Variants in GTPBP4 observed in about 807,000 individuals in gnomAD.
GTPBP4 encodes the protein GTP-binding protein 4.
Under a neutral mutation model 81.7 loss-of-function variants are expected in GTPBP4, and 15 were observed. That is an observed-to-expected ratio of 0.18 (90% CI 0.12 to 0.28). The LOEUF (loss-of-function observed/expected upper bound fraction) is 0.28, where lower values mean the gene tolerates loss of function less well. GTPBP4 is among the 10% of genes least tolerant of loss of function. The pLI, the probability that GTPBP4 is intolerant of heterozygous loss-of-function variation, is 1.00. For missense variants in GTPBP4, 847 were observed against 793.8 expected, an observed-to-expected ratio of 1.07 and a Z score of -0.81; for synonymous variants, 272 against 274.6, an observed-to-expected ratio of 0.99 and a Z score of 0.09.
At chr10:992,460 T>C in intron 1 of GTPBP4, 29 bp from the exon 2 acceptor site, 1 of 1,433,470 alleles carries the variant, frequency 7.0e-7, no homozygotes, top group Non-Finnish European at 9.7e-7. Context: ...CCTTTTGATG[T>C]AATTATGTTT....
At chr10:1,007,358 C>G in intron 10 of GTPBP4, 1 of 418,204 alleles carries the variant, frequency 2.4e-6, no homozygotes, top group South Asian at 4.5e-5. Context: ...TTAGTTTATC[C>G]TTCCAGAAAT....
rs370864343 is a variant in GTPBP4 at position 1,000,841 on chromosome 10, G to C, written c.819G>C (p.Gln273His). ...TGAGGGAGCAGCTAGAACTCTTCCA[G>C]AACATCAGACCTCTCTTCATCAACA... Reference protein sequence around the residue: ...HGLREQLELFQNIRPLFINKP... With the variant: ...HGLREQLELFHNIRPLFINKP... Residue 273 changes from glutamine (Q) to histidine (H), a missense_variant, in exon 7 of 17, where the codon CAG (glutamine) becomes CAC (histidine). Physicochemically the swap from Gln to His is conservative, Grantham distance 24. Coordinates refer to ENST00000360803, the MANE Select transcript of GTPBP4 (RefSeq NM_012341.3). 30 of 1,610,656 alleles carry C rather than the reference G, an allele frequency of 1.9e-5. No homozygotes were observed. Among genetic ancestry groups the C allele is most frequent in the Non-Finnish European group, 2.5e-5 (30 of 1,178,004 alleles).
chr10:1,016,071 G>C (rs1347009205), intron 16 of GTPBP4, among the ~76,000 whole-genome samples, 175 bp downstream of exon 16: 1 of 152,232 alleles, frequency 6.6e-6, no homozygotes, highest in Non-Finnish European at 1.5e-5. Context: ...GGGTGCAGGT[G>C]GATGCCCCTG....
At position 995,569 on chromosome 10, in the gene GTPBP4, G is replaced by T. The variant is rs184621424; in HGVS notation, c.220-360G>T. 2.6e-4 allele frequency among the ~76,000 whole-genome samples: 39 copies of T among 152,258 alleles called. No individual in the cohort carries two copies. In the East Asian group the frequency reaches 6.7e-3, roughly 26 times the overall value. On this transcript the variant is annotated intron_variant, in intron 2 of 16. Transcript: ENST00000360803. ...TTTGATTTTTTTTCCTAAAGATTGA[G>T]AAATAACAGCAAATTTTTAGGCTGA... is the stretch of plus-strand genomic sequence containing the variant.
At chr10:1,016,456 G>C (rs1831995043) in intron 16 of GTPBP4, among the ~76,000 whole-genome samples, 1 of 152,220 alleles carries the variant, frequency 6.6e-6, no homozygotes, top group Admixed American at 6.5e-5. Context: ...TCAGCGTTGT[G>C]GTAATGGAGA....
rs1359089622 is a variant in GTPBP4, at chr10:1,018,820, A to AG, written c.*1593_*1594insG. 6.6e-6 allele frequency: 1 copy of AG among 151,638 alleles called. No individual in the cohort carries two copies. Among genetic ancestry groups the AG allele is most frequent in the Non-Finnish European group, 1.5e-5 (1 of 67,976 alleles). 9.4% of individuals were successfully genotyped at this position (151,638 alleles called of 1,614,324 possible). A position where few individuals can be genotyped will look rare whatever the true frequency, so the allele number is the denominator to read the frequency against. On this transcript the variant is annotated 3_prime_UTR_variant, in exon 17 of 17. Transcript: ENST00000360803. ...GACTCCATCTCAAAAAAAAAAAAAA[A>AG]ATACCAGGTCTGGTTTTTGAAATTC...
At chr10:1,011,085 TGTGCCTCCTGC>T (rs1831858309) in intron 13 of GTPBP4, among the ~76,000 whole-genome samples, 1 of 95,118 alleles carries the variant, frequency 1.1e-5, no homozygotes, top group Non-Finnish European at 2.2e-5. Flanking sequence ...CCATCCTGAC[TGTGCCTCCTGC>T]ACCTCTTCCC....
At position 1,016,995 on chromosome 10, in the gene GTPBP4, T is replaced by G; in HGVS notation, c.1753-80T>G. On this transcript the variant is annotated intron_variant, in intron 16 of 16. Coordinates refer to ENST00000360803, the MANE Select transcript of GTPBP4 (RefSeq NM_012341.3). ...AGCAGACCTGAGCCATTAAACAGAT[T>G]GTTACCCAGTAGTTGAAATTCAGAA... is the stretch of plus-strand genomic sequence containing the variant. 6 of 1,159,180 alleles carry G rather than the reference T, an allele frequency of 5.2e-6. No homozygotes were observed. In the South Asian group the frequency reaches 7.2e-5, roughly 14 times the overall value. The allele number at this position is 1,159,180 out of a possible 1,614,324, so 71.8% of individuals were successfully genotyped here. A position where few individuals can be genotyped will look rare whatever the true frequency, so the allele number is the denominator to read the frequency against.
chr10:1,017,967 G>T lies in GTPBP4; in HGVS notation c.*740G>T, dbSNP rs1227381839. 6.6e-6 allele frequency: 1 copy of T among 152,208 alleles called. No individual in the cohort carries two copies. The highest frequency in any genetic ancestry group is 1.5e-5 in the Non-Finnish European group (1 of 68,060). 9.4% of individuals were successfully genotyped at this position (152,208 alleles called of 1,614,324 possible). On this transcript the variant is annotated 3_prime_UTR_variant, in exon 17 of 17. Transcript: ENST00000360803. ...GAGCGTTGGGGTGAAGAGCTGTGGG[G>T]TCGGAGGGACCTGCCCAGGGGTCCG...
chr10:1,010,301 C>G (rs1045791293), intron 12 of GTPBP4, 119 bp from the exon 13 acceptor site: 2 of 644,896 alleles, frequency 3.1e-6, no homozygotes, highest in African/African-American at 3.7e-5. Flanking sequence ...AATTGCACGT[C>G]GTGCTCTCTT....
At chr10:1,011,714 A>G (rs1246165414) in intron 13 of GTPBP4, among the ~76,000 whole-genome samples, 3 of 152,002 alleles carry the variant, frequency 2.0e-5, no homozygotes, top group African/African-American at 7.3e-5. Flanking sequence ...AACAATCTCA[A>G]TTTCGTTGGT....
chr10:993,459 C>G (rs922632734), intron 2 of GTPBP4, among the ~76,000 whole-genome samples: 1 of 152,160 alleles, frequency 6.6e-6, no homozygotes, highest in Non-Finnish European at 1.5e-5. Flanking sequence ...GTTGGCCAGG[C>G]TGGTCTTGAA....
intron 15 of GTPBP4, among the ~76,000 whole-genome samples, chr10:1,014,877 CAA>C (rs11412135): frequency 6.9e-6 from 1 of 144,532 alleles, no homozygotes. Context: ...GACTGTGTCT[CAA>C]AAAAAAAAAA....
Position 1,008,940 on chromosome 10 carries a change from T to C in GTPBP4, c.1114-18T>C, listed in dbSNP as rs776662043. 5 of 1,581,896 alleles carry C rather than the reference T, an allele frequency of 3.2e-6. No individual in the cohort carries two copies. The highest frequency in any genetic ancestry group is 1.7e-5 in the Admixed American group (1 of 59,976). On this transcript the variant is annotated intron_variant, in intron 10 of 16. Transcript: ENST00000360803. ...CAGCAGGCATTTCACATAAATATTT[T>C]ATATGGGATCTTCTCAGGAGAGGCC...
chr10:1,008,259 G>A (rs1200550641), intron 10 of GTPBP4: 4 of 407,766 alleles, frequency 9.8e-6, no homozygotes, highest in East Asian at 7.1e-5. Flanking sequence ...CTAAAACTAC[G>A]AAAATTAGTC....
At position 1,009,592 on chromosome 10, in the gene GTPBP4, AGT is replaced by A; in HGVS notation, c.1243+16_1243+17del. The A allele has an allele frequency of 6.7e-7, 1 of 1,492,344 alleles. No individual in the cohort carries two copies. Among genetic ancestry groups the A allele is most frequent in the Non-Finnish European group, 9.4e-7 (1 of 1,068,694 alleles). The allele number at this position is 1,492,344 out of a possible 1,614,324, so 92.4% of individuals were successfully genotyped here. A position where few individuals can be genotyped will look rare whatever the true frequency, so the allele number is the denominator to read the frequency against. Reference sequence around the variant, plus strand: ...TTTGGATCTTCAGAGTAAGGGCCAGAGTGTGATCATTATTATAAAATGCCAAT... The same window carrying A: ...TTTGGATCTTCAGAGTAAGGGCCAGAGTGATCATTATTATAAAATGCCAAT... On this transcript the variant is annotated intron_variant, in intron 12 of 16. Transcript: ENST00000360803.
chr10:1,010,328 G>GT, intron 12 of GTPBP4, 92 bp from the exon 13 acceptor site: 2 of 699,402 alleles, frequency 2.9e-6, no homozygotes, highest in Non-Finnish European at 2.6e-6. Context: ...TGGAGTCGTT[G>GT]ATTTGCCGTC....
chr10:997,143 A>C (rs1831549996), intron 4 of GTPBP4, 65 bp from the exon 5 acceptor site: 1 of 1,011,734 alleles, frequency 9.9e-7, no homozygotes, highest in Non-Finnish European at 1.6e-6. Flanking sequence ...ACTAAGTTGA[A>C]AAGAAAATTT....
Position 988,442 on chromosome 10 carries a change from C to T in GTPBP4, c.-38C>T. The T allele has an allele frequency of 5.6e-6, 9 of 1,595,480 alleles. No individual in the cohort carries two copies. The highest frequency in any genetic ancestry group is 7.7e-6 in the Non-Finnish European group (9 of 1,163,948). ...CACCTGCGCCCGACGGCGGAAGTTC[C>T]GGGAGTGCCAAGTACCCGCGTGCAT... On this transcript the variant is annotated 5_prime_UTR_variant, in exon 1 of 17. Coordinates refer to ENST00000360803, the MANE Select transcript of GTPBP4 (RefSeq NM_012341.3).
Sources: allele counts gnomAD v4.1 joint callset (sites outside exome capture counted in the v4.1 genomes callset), GRCh38; gene constraint gnomAD v4.1.1; transcripts MANE v1.5; gene names NCBI Gene and HGNC (gene_info 2026-07-23, HGNC 2026-07-21).